Variants in TMT1A observed in about 807,000 individuals in gnomAD.
TMT1A encodes thiol S-methyltransferase TMT1A.
At chr12:50,929,790 T>C in the TMT1A span, 2 of 822,666 alleles carry the variant, frequency 2.4e-6, no homozygotes, top group Non-Finnish European at 3.8e-6. Context: ...ACCCTCCTGC[T>C]CAGAACTCTA....
the TMT1A span, among the ~76,000 whole-genome samples, chr12:50,928,211 C>T: frequency 0.75 from 113,680 of 152,170 alleles, 44,086 homozygotes; most frequent in East Asian, 1. Context: ...TGCTATCACT[C>T]TTGCTGGCTC....
the TMT1A span, among the ~76,000 whole-genome samples, chr12:50,929,559 C>T: frequency 4.6e-5 from 7 of 152,194 alleles, no homozygotes; most frequent in African/African-American, 1.7e-4. Context: ...TTATAAAACT[C>T]CTCAATGAAA....
At chr12:50,925,439 C>T in the TMT1A span, 18 of 1,614,206 alleles carry the variant, frequency 1.1e-5, no homozygotes, top group East Asian at 3.6e-4. Flanking sequence ...CACCAGGTGG[C>T]TGATGGCTCT....
the TMT1A span, chr12:50,930,095 C>A: frequency 3.7e-6 from 6 of 1,613,852 alleles, no homozygotes; most frequent in Non-Finnish European, 4.2e-6. Context: ...CACATCCAGG[C>A]CCCACTGTCC....
chr12:50,927,069 G>C, the TMT1A span, among the ~76,000 whole-genome samples: 1 of 152,116 alleles, frequency 6.6e-6, no homozygotes, highest in African/African-American at 2.4e-5. Context: ...ACCCAGGCTG[G>C]AGTGCAGTGG....
the TMT1A span, chr12:50,930,095 C>T: frequency 1.2e-6 from 2 of 1,613,970 alleles, no homozygotes; most frequent in Non-Finnish European, 1.7e-6. Flanking sequence ...CACATCCAGG[C>T]CCCACTGTCC....
At chr12:50,927,013 T>C in the TMT1A span, among the ~76,000 whole-genome samples, 3 of 152,292 alleles carry the variant, frequency 2.0e-5, no homozygotes, top group South Asian at 6.2e-4. Flanking sequence ...GCATGTTTTG[T>C]AATCCCCAGT....
the TMT1A span, among the ~76,000 whole-genome samples, chr12:50,926,097 A>G: frequency 6.6e-6 from 1 of 151,896 alleles, no homozygotes; most frequent in Non-Finnish European, 1.5e-5. Context: ...GTTAAACTAC[A>G]AAACAAGCTT....
chr12:50,925,134 C>T, the TMT1A span: 57 of 1,613,698 alleles, frequency 3.5e-5, no homozygotes, highest in South Asian at 6.1e-4. Flanking sequence ...GCTGGATATG[C>T]AAAAAATGGT....
chr12:50,925,256 C>G, the TMT1A span: 10 of 1,614,190 alleles, frequency 6.2e-6, no homozygotes, highest in African/African-American at 1.3e-5. Flanking sequence ...GGGAAACTCT[C>G]CCTGCTGGAA....
At chr12:50,930,182 A>G in the TMT1A span, 1 of 1,482,608 alleles carries the variant, frequency 6.7e-7, no homozygotes, top group Non-Finnish European at 9.1e-7. Flanking sequence ...TGAATGGCTC[A>G]AAGAATTTAA....
the TMT1A span, among the ~76,000 whole-genome samples, chr12:50,929,074 T>TA: frequency 0.04 from 5,891 of 146,368 alleles, 305 homozygotes; most frequent in African/African-American, 0.12. Flanking sequence ...TCTGTCTCTA[T>TA]AAAAAAAAAA....
the TMT1A span, chr12:50,930,108 G>C: frequency 1.2e-6 from 2 of 1,613,760 alleles, no homozygotes; most frequent in Non-Finnish European, 1.7e-6. Context: ...CACTGTCCTG[G>C]GAGTTGGTGC....
the TMT1A span, chr12:50,931,359 A>C: frequency 2.0e-5 from 3 of 152,116 alleles, no homozygotes; most frequent in African/African-American, 7.2e-5. Flanking sequence ...GCTAATTAAG[A>C]ATCTGAGTCT....
At chr12:50,926,016 C>CA in the TMT1A span, among the ~76,000 whole-genome samples, 8,596 of 26,158 alleles carry the variant, frequency 0.33, 1,849 homozygotes, top group Non-Finnish European at 0.39. Flanking sequence ...AACTCCATCT[C>CA]AAAAAAAAAA....
chr12:50,925,017 C>A, the TMT1A span: 1 of 1,608,392 alleles, frequency 6.2e-7, no homozygotes, highest in Admixed American at 1.7e-5. Flanking sequence ...AACTGTTGAT[C>A]TGTTTTTTTC....
At chr12:50,929,949 T>C in the TMT1A span, 2 of 1,613,914 alleles carry the variant, frequency 1.2e-6, no homozygotes, top group African/African-American at 2.7e-5. Flanking sequence ...ATGTGGCAGC[T>C]GAGTGTTCGA....
chr12:50,926,918 T>C, the TMT1A span, among the ~76,000 whole-genome samples: 1 of 152,240 alleles, frequency 6.6e-6, no homozygotes, highest in East Asian at 1.9e-4. Flanking sequence ...TTATTATTTT[T>C]AGCTAGTTTA....
the TMT1A span, chr12:50,925,548 G>T: frequency 1.2e-6 from 2 of 1,609,300 alleles, no homozygotes; most frequent in Non-Finnish European, 1.7e-6. Context: ...TGAGTGAAAG[G>T]GTGTGAGGAG....
Sources: allele counts gnomAD v4.1 joint callset (sites outside exome capture counted in the v4.1 genomes callset), GRCh38; gene constraint gnomAD v4.1.1; transcripts MANE v1.5; gene names NCBI Gene and HGNC (gene_info 2026-07-23, HGNC 2026-07-21).